KCNQ3: variants seen among roughly 807,000 people sequenced by gnomAD.
KCNQ3 encodes potassium voltage-gated channel subfamily Q member 3.
Under a neutral mutation model 92.5 loss-of-function variants are expected in KCNQ3, and 30 were observed. The ratio of observed to expected loss-of-function variants is 0.32; its 90% CI spans 0.24 to 0.44. The LOEUF is 0.44. Ranked by LOEUF, KCNQ3 falls within the 20% of genes least tolerant of loss-of-function variation. KCNQ3 has a pLI of 1.00. For synonymous variants in KCNQ3, 450 were observed against 468.8 expected, an observed-to-expected ratio of 0.96 and a Z score of 0.52; for missense variants, 913 against 1,140.3, an observed-to-expected ratio of 0.80 and a Z score of 2.87.
intron 9 of KCNQ3, among the ~76,000 whole-genome samples, chr8:132,142,790 C>T (rs1825337196): frequency 6.6e-6 from 1 of 152,132 alleles, no homozygotes; most frequent in Non-Finnish European, 1.5e-5. Context: ...TGTGCCCCTG[C>T]CAGAAGCTGC....
At chr8:132,244,208 T>G (rs1347721638) in intron 1 of KCNQ3, among the ~76,000 whole-genome samples, 1 of 152,230 alleles carries the variant, frequency 6.6e-6, no homozygotes, top group East Asian at 1.9e-4. Flanking sequence ...CTATCTTTCA[T>G]GAACTTGAAT....
intron 1 of KCNQ3, among the ~76,000 whole-genome samples, chr8:132,308,456 G>A (rs1387553450): frequency 6.6e-6 from 1 of 152,150 alleles, no homozygotes; most frequent in Non-Finnish European, 1.5e-5. Flanking sequence ...ACCTGCATCT[G>A]GAGGCAATAG....
chr8:132,222,898 C>A (rs775190357), intron 1 of KCNQ3, among the ~76,000 whole-genome samples: 8 of 152,084 alleles, frequency 5.3e-5, no homozygotes, highest in Non-Finnish European at 1.0e-4. Context: ...GCTTACTTAA[C>A]GAGAAAAATA....
At chr8:132,284,517 A>T (rs1816623964) in intron 1 of KCNQ3, among the ~76,000 whole-genome samples, 1 of 151,874 alleles carries the variant, frequency 6.6e-6, no homozygotes, top group Non-Finnish European at 1.5e-5. Flanking sequence ...TTTGGATATG[A>T]GTGTCCCATG....
chr8:132,240,096 G>A (rs926336306), intron 1 of KCNQ3, among the ~76,000 whole-genome samples: 3 of 151,844 alleles, frequency 2.0e-5, no homozygotes, highest in Non-Finnish European at 2.9e-5. Context: ...CTGCAGGAAC[G>A]CTATCTTCAC....
In KCNQ3 at chr8:132,447,217, CA is replaced by C. The variant is rs1235017513; in HGVS notation, c.386+32929del. 4 of 1,535,596 alleles carry C rather than the reference CA, an allele frequency of 2.6e-6. No homozygotes were observed. In the East Asian group the frequency reaches 9.8e-5, roughly 38 times the overall value. ...AAGACTTACATCGTGGCGTGTTCTG[CA>C]GGCTTCATAAGGTAATGAATGCAAG... On this transcript the variant is annotated intron_variant, in intron 1 of 14. Coordinates refer to ENST00000388996, the MANE Select transcript of KCNQ3 (RefSeq NM_004519.4).
rs1009398143 is a variant in KCNQ3 at position 132,128,501 on chromosome 8, TTGTGTATGTGTG to T, written c.*749_*760del. On this transcript the variant is annotated 3_prime_UTR_variant, in exon 15 of 15. Coordinates refer to ENST00000388996, the MANE Select transcript of KCNQ3 (RefSeq NM_004519.4). ...ACATAAATTGGAAACTATTTTAACT[TTGTGTATGTGTG>T]TGTGTGTGTGTGTGTGTGTGTGTGT... The T allele has an allele frequency of 1.7e-5, 2 of 116,934 alleles. No homozygotes were observed. The highest frequency in any genetic ancestry group is 1.8e-5 in the Non-Finnish European group (1 of 54,482). The allele number at this position is 116,934 out of a possible 1,614,324, so 7.2% of individuals were successfully genotyped here. A position where few individuals can be genotyped will look rare whatever the true frequency, so the allele number is the denominator to read the frequency against.
At chr8:132,379,350 A>C (rs1819686413) in intron 1 of KCNQ3, among the ~76,000 whole-genome samples, 1 of 152,134 alleles carries the variant, frequency 6.6e-6, no homozygotes, top group African/African-American at 2.4e-5. Context: ...TGGAAAGAGC[A>C]AATGATGTAA....
chr8:132,268,447 C>T (rs1563833119), intron 1 of KCNQ3, among the ~76,000 whole-genome samples: 4 of 152,006 alleles, frequency 2.6e-5, no homozygotes, highest in African/African-American at 4.8e-5. Context: ...TTAGTAGAGA[C>T]GAGGTGTCAC....
chr8:132,389,966 A>G (rs1183412682), intron 1 of KCNQ3, among the ~76,000 whole-genome samples: 5 of 152,258 alleles, frequency 3.3e-5, no homozygotes, highest in African/African-American at 4.8e-5. Flanking sequence ...CAAAAAGCAC[A>G]TACAAAAACA....
intron 1 of KCNQ3, among the ~76,000 whole-genome samples, chr8:132,479,640 C>CAA (rs1324930405): frequency 6.6e-6 from 1 of 151,484 alleles, no homozygotes; most frequent in African/African-American, 2.4e-5. Context: ...CACACACACA[C>CAA]ACACACACAC....
chr8:132,291,396 AG>A (rs1341579199), intron 1 of KCNQ3, among the ~76,000 whole-genome samples: 2 of 152,306 alleles, frequency 1.3e-5, no homozygotes, highest in Admixed American at 6.5e-5. Flanking sequence ...AAATATACCC[AG>A]GCCTGCTTAT....
intron 1 of KCNQ3, among the ~76,000 whole-genome samples, chr8:132,285,262 C>T (rs527348559): frequency 6.6e-5 from 10 of 152,158 alleles, no homozygotes; most frequent in African/African-American, 1.2e-4. Flanking sequence ...GCACAGAAGA[C>T]GAGAAGGTTA....
intron 1 of KCNQ3, among the ~76,000 whole-genome samples, chr8:132,332,517 C>T (rs1818259388): frequency 6.6e-6 from 1 of 152,210 alleles, no homozygotes; most frequent in Non-Finnish European, 1.5e-5. Context: ...AATTCCTTTG[C>T]CATATGATAG....
intron 12 of KCNQ3, among the ~76,000 whole-genome samples, chr8:132,134,985 T>A (rs1825035013): frequency 1.3e-5 from 2 of 152,176 alleles, no homozygotes; most frequent in African/African-American, 4.8e-5. Flanking sequence ...AGCTCCTTTT[T>A]AAATAACTTT....
At chr8:132,178,121 G>A (rs1419084826) in intron 4 of KCNQ3, among the ~76,000 whole-genome samples, 1 of 152,188 alleles carries the variant, frequency 6.6e-6, no homozygotes, top group Non-Finnish European at 1.5e-5. Flanking sequence ...AGGAACACAG[G>A]ACAAGGGCCT....
chr8:132,292,976 C>G (rs550681941), intron 1 of KCNQ3, among the ~76,000 whole-genome samples: 4 of 151,672 alleles, frequency 2.6e-5, no homozygotes, highest in East Asian at 3.9e-4. Context: ...AATCACATTT[C>G]CACAGGGTTG....
intron 1 of KCNQ3, among the ~76,000 whole-genome samples, chr8:132,411,198 T>C (rs568824387): frequency 6.6e-6 from 1 of 152,212 alleles, no homozygotes; most frequent in Non-Finnish European, 1.5e-5. Flanking sequence ...GAGAAATTGT[T>C]TGGCACCTTG....
intron 1 of KCNQ3, among the ~76,000 whole-genome samples, chr8:132,474,783 G>T (rs776461979): frequency 6.6e-6 from 1 of 152,082 alleles, no homozygotes; most frequent in Non-Finnish European, 1.5e-5. Context: ...GACAAGCAGA[G>T]ATCAATCAAA....
Sources: allele counts gnomAD v4.1 joint callset (sites outside exome capture counted in the v4.1 genomes callset), GRCh38; gene constraint gnomAD v4.1.1; transcripts MANE v1.5; gene names NCBI Gene and HGNC (gene_info 2026-07-23, HGNC 2026-07-21).